Variants in MAPK10 observed in about 807,000 individuals in gnomAD.
MAPK10 encodes the protein mitogen-activated protein kinase 10.
In MAPK10, 25 loss-of-function variants were observed where a neutral mutation model predicts 59.3. The observed-to-expected ratio is 0.42, with a 90% CI of 0.31 to 0.59. The LOEUF is 0.59. MAPK10 is among the 20% of genes least tolerant of loss of function. MAPK10 has a pLI of 0.15. For missense variants in MAPK10, 351 were observed against 568.9 expected (o/e 0.62, Z 3.90); for synonymous variants, 190 against 200.5 (o/e 0.95, Z 0.44).
intron 1 of MAPK10, among the ~76,000 whole-genome samples, chr4:86,389,570 C>T (rs1214428565): frequency 1.3e-5 from 2 of 152,130 alleles, no homozygotes; most frequent in African/African-American, 2.4e-5. Context: ...CTGTGATTGG[C>T]GGTCCAACTA....
chr4:86,092,295 G>A (rs1359678494), intron 9 of MAPK10, among the ~76,000 whole-genome samples: 1 of 152,006 alleles, frequency 6.6e-6, no homozygotes, highest in Admixed American at 6.6e-5. Flanking sequence ...TATTCCTAGA[G>A]AATATTTATA....
intron 1 of MAPK10, among the ~76,000 whole-genome samples, chr4:86,576,934 C>CTGAA (rs1761943891): frequency 6.6e-6 from 1 of 152,264 alleles, no homozygotes; most frequent in South Asian, 2.1e-4. Context: ...AGCTGCAATT[C>CTGAA]TGAAAGTCCA....
At chr4:86,374,636 T>C (rs143766745) in intron 1 of MAPK10, among the ~76,000 whole-genome samples, 2 of 152,296 alleles carry the variant, frequency 1.3e-5, no homozygotes, top group East Asian at 1.9e-4. Context: ...AAATGTGACA[T>C]GGCTGTGAAC....
At chr4:86,086,048 G>A (rs766217306) in intron 9 of MAPK10, among the ~76,000 whole-genome samples, 12 of 152,112 alleles carry the variant, frequency 7.9e-5, no homozygotes, top group Non-Finnish European at 1.8e-4. Flanking sequence ...AGAGCATTAG[G>A]AAAACTAGCT....
At chr4:86,299,588 G>A (rs1043918543) in intron 2 of MAPK10, among the ~76,000 whole-genome samples, 8 of 152,122 alleles carry the variant, frequency 5.3e-5, no homozygotes, top group African/African-American at 1.9e-4. Context: ...TTTCTGTTAT[G>A]TATAAGCTAC....
At chr4:86,496,381 A>G (rs1356663839) in intron 1 of MAPK10, among the ~76,000 whole-genome samples, 3 of 152,240 alleles carry the variant, frequency 2.0e-5, no homozygotes, top group Non-Finnish European at 2.9e-5. Flanking sequence ...TTTTTAAAAT[A>G]TCAAACATAG....
chr4:86,123,972 GA>G (rs1458745436), intron 4 of MAPK10: 1 of 151,900 alleles, frequency 6.6e-6, no homozygotes, highest in African/African-American at 2.4e-5. Flanking sequence ...ATACTAGTTT[GA>G]TTTTTTAATC....
At chr4:86,177,721 G>A (rs1490094513) in intron 3 of MAPK10, among the ~76,000 whole-genome samples, 2 of 151,916 alleles carry the variant, frequency 1.3e-5, no homozygotes, top group African/African-American at 4.8e-5. Context: ...TTTAAAAAGG[G>A]CTCTTAAAGG....
intron 1 of MAPK10, among the ~76,000 whole-genome samples, chr4:86,381,341 A>T (rs1740677584): frequency 6.6e-6 from 1 of 152,212 alleles, no homozygotes; most frequent in South Asian, 2.1e-4. Flanking sequence ...CTCTGGCTCC[A>T]TCAACCCTAA....
chr4:86,025,507 T>C, intron 13 of MAPK10: 1 of 398,434 alleles, frequency 2.5e-6, no homozygotes, highest in Non-Finnish European at 4.4e-6. Context: ...TTAAACAGAA[T>C]TGAACTGAAT....
intron 9 of MAPK10, among the ~76,000 whole-genome samples, chr4:86,071,202 C>G (rs1261336013): frequency 5.3e-5 from 8 of 152,294 alleles, no homozygotes; most frequent in East Asian, 3.9e-4. Context: ...TTTGAGAAGT[C>G]TCTGTTGATG....
chr4:86,021,959 C>T (rs539289110), intron 13 of MAPK10, among the ~76,000 whole-genome samples: 2 of 152,248 alleles, frequency 1.3e-5, no homozygotes, highest in Non-Finnish European at 2.9e-5. Flanking sequence ...GCAAGCGCCG[C>T]ACGCGGCCCG....
At chr4:86,584,356 G>A (rs959394652) in intron 1 of MAPK10, among the ~76,000 whole-genome samples, 2 of 152,138 alleles carry the variant, frequency 1.3e-5, no homozygotes, top group Non-Finnish European at 2.9e-5. Flanking sequence ...CTTTTAGGAG[G>A]TCTAAGTGGA....
chr4:86,452,783 G>A (rs557861779), intron 1 of MAPK10, among the ~76,000 whole-genome samples: 4 of 152,196 alleles, frequency 2.6e-5, no homozygotes, highest in East Asian at 3.9e-4. Flanking sequence ...GCTCCCACTC[G>A]GACAGACAGA....
At chr4:86,208,355 T>A (rs28816476) in intron 2 of MAPK10, among the ~76,000 whole-genome samples, 41,544 of 140,634 alleles carry the variant, frequency 0.3, 9,326 homozygotes, top group African/African-American at 0.62. Flanking sequence ...ATACTGGCAA[T>A]CTGAATCCAG....
chr4:86,273,330 C>T (rs1182283131), intron 2 of MAPK10, among the ~76,000 whole-genome samples: 3 of 151,924 alleles, frequency 2.0e-5, no homozygotes, highest in Admixed American at 6.6e-5. Context: ...TAGCTAAATC[C>T]AAAAATCCTC....
intron 12 of MAPK10, 107 bp from the exon 13 acceptor site, chr4:86,029,381 T>TA (rs1752092913): frequency 3.0e-6 from 2 of 676,178 alleles, no homozygotes; most frequent in Non-Finnish European, 5.2e-6. Flanking sequence ...TTGAGTAAAT[T>TA]AAAAATCAAT....
At chr4:86,429,347 G>A (rs557769383) in intron 1 of MAPK10, among the ~76,000 whole-genome samples, 2 of 151,948 alleles carry the variant, frequency 1.3e-5, no homozygotes, top group African/African-American at 4.8e-5. Context: ...ACTTAATTTT[G>A]GTTAAGCAAT....
intron 4 of MAPK10, among the ~76,000 whole-genome samples, chr4:86,140,782 T>TAC (rs142044305): frequency 7.3e-4 from 110 of 151,484 alleles, no homozygotes; most frequent in African/African-American, 2.2e-3. Flanking sequence ...TGTGCACAAA[T>TAC]ACACACACAC....
Sources: gnomAD v4.1 joint callset for allele counts (sites outside exome capture counted in the v4.1 genomes callset) on GRCh38, gnomAD v4.1.1 for gene constraint, MANE v1.5 for transcripts, NCBI Gene and HGNC (gene_info 2026-07-23, HGNC 2026-07-21) for gene names.